Variants in RFX3 observed in about 807,000 individuals in gnomAD.
RFX3 encodes transcription factor RFX3.
In RFX3, 14 loss-of-function variants were observed where a neutral mutation model predicts 98.6. That is an observed-to-expected ratio of 0.14 (90% CI 0.09 to 0.22). The LOEUF is 0.22. Ranked by LOEUF, RFX3 falls within the 10% of genes least tolerant of loss-of-function variation. The pLI is 1.00. For missense variants in RFX3, 639 were observed against 926.9 expected, an observed-to-expected ratio of 0.69 and a Z score of 4.03; for synonymous variants, 383 against 328.4, an observed-to-expected ratio of 1.17 and a Z score of -1.80.
At chr9:3,413,534 TAAC>T (rs1317307320) in intron 1 of RFX3, among the ~76,000 whole-genome samples, 2 of 152,226 alleles carry the variant, frequency 1.3e-5, no homozygotes, top group Non-Finnish European at 2.9e-5. Flanking sequence ...CAGTTTAACT[TAAC>T]AAGACAATAC....
In RFX3 at chr9:3,489,424, G is replaced by C. The variant is rs144141302; in HGVS notation, c.-9+36323C>G. The C allele has an allele frequency of 8.1e-6, 8 of 985,406 alleles. No homozygotes were observed. The East Asian group carries it at 9.1e-4, about 112-fold the overall frequency. 61.0% of individuals were successfully genotyped at this position (985,406 alleles called of 1,614,324 possible). A position where few individuals can be genotyped will look rare whatever the true frequency, so the allele number is the denominator to read the frequency against. On this transcript the variant is annotated intron_variant, in intron 1 of 16. Coordinates refer to ENST00000617270, the MANE Select transcript of RFX3 (RefSeq NM_001282116.2). ...TAAAGTACTGTTTGTAGTGGAAGCA[G>C]AAGTTCACACAAACAAGCTGCTGCA...
chr9:3,242,282 G>A (rs1006648619), intron 15 of RFX3, among the ~76,000 whole-genome samples: 1 of 152,134 alleles, frequency 6.6e-6, no homozygotes, highest in Admixed American at 6.5e-5. Context: ...TTGGCACAAG[G>A]CCTGCCCTCA....
chr9:3,381,119 T>C (rs1007299603), intron 2 of RFX3, among the ~76,000 whole-genome samples: 1 of 152,022 alleles, frequency 6.6e-6, no homozygotes, highest in Non-Finnish European at 1.5e-5. Context: ...GTTTTAAATA[T>C]TATAACTGCC....
At chr9:3,425,100 T>C (rs561777985) in intron 1 of RFX3, among the ~76,000 whole-genome samples, 5 of 152,280 alleles carry the variant, frequency 3.3e-5, no homozygotes, top group African/African-American at 1.2e-4. Context: ...TAGCCAGGCA[T>C]GGTGGCCCAC....
intron 1 of RFX3, among the ~76,000 whole-genome samples, chr9:3,420,576 G>T (rs1411142673): frequency 6.6e-6 from 1 of 152,160 alleles, no homozygotes; most frequent in Non-Finnish European, 1.5e-5. Flanking sequence ...GTCATTTTAA[G>T]TAAGCAGTAA....
intron 15 of RFX3, among the ~76,000 whole-genome samples, chr9:3,241,595 A>C (rs1819932902): frequency 6.6e-6 from 1 of 152,174 alleles, no homozygotes; most frequent in African/African-American, 2.4e-5. Context: ...TGGGACACGG[A>C]GCCAATTCTC....
At chr9:3,497,448 T>TA (rs1851194538) in intron 1 of RFX3, among the ~76,000 whole-genome samples, 1 of 151,910 alleles carries the variant, frequency 6.6e-6, no homozygotes, top group Non-Finnish European at 1.5e-5. Context: ...TTCCAAAAAT[T>TA]AGAGTTTTTG....
At chr9:3,283,021 A>T (rs1826113027) in intron 7 of RFX3, among the ~76,000 whole-genome samples, 1 of 151,812 alleles carries the variant, frequency 6.6e-6, no homozygotes, top group Admixed American at 6.6e-5. Flanking sequence ...AACTACATAA[A>T]TTACTATAGT....
At chr9:3,488,973 A>AG in intron 1 of RFX3, 5 of 724,546 alleles carry the variant, frequency 6.9e-6, no homozygotes, top group Non-Finnish European at 8.4e-6. Flanking sequence ...CTATTTCATC[A>AG]TCACATCTTT....
At chr9:3,504,989 TTATA>T (rs1258448827) in intron 1 of RFX3, among the ~76,000 whole-genome samples, 31 of 37,094 alleles carry the variant, frequency 8.4e-4, no homozygotes, top group African/African-American at 2.9e-3. Context: ...AATATATATG[TTATA>T]TATATTATAT....
At chr9:3,300,240 A>C (rs956365078) in intron 5 of RFX3, among the ~76,000 whole-genome samples, 2 of 151,818 alleles carry the variant, frequency 1.3e-5, no homozygotes, top group African/African-American at 4.8e-5. Context: ...AAATGAAAAA[A>C]CTTATATTTC....
intron 2 of RFX3, among the ~76,000 whole-genome samples, chr9:3,364,008 T>C (rs1836767774): frequency 6.6e-6 from 1 of 152,230 alleles, no homozygotes; most frequent in African/African-American, 2.4e-5. Context: ...TCTGAGTAGC[T>C]GGGACCACAG....
chr9:3,478,222 T>A (rs545366339), intron 1 of RFX3, among the ~76,000 whole-genome samples: 3 of 152,262 alleles, frequency 2.0e-5, no homozygotes, highest in Non-Finnish European at 4.4e-5. Flanking sequence ...CAATTTTTGT[T>A]AAAACTGAAC....
rs1311095009 is a variant in RFX3, at chr9:3,366,746, CTTTCTTTT to C, written c.118-19990_118-19983del. ...TCTTTCTTTCTTTCTTTCTTTCTTT[CTTTCTTTT>C]TGGCTATTCTTATGTACATTCAAAA... On this transcript the variant is annotated intron_variant, in intron 2 of 16. Coordinates refer to ENST00000617270, the MANE Select transcript of RFX3 (RefSeq NM_001282116.2). Among the ~76,000 whole-genome samples the C allele has an allele frequency of 7.2e-5, 6 of 83,612 alleles. No individual in the cohort carries two copies. In the East Asian group the frequency reaches 1.2e-3, roughly 17 times the overall value. The allele number at this position is 83,612 out of a possible 152,430, so 54.9% of individuals were successfully genotyped here.
At position 3,224,331 on chromosome 9, in the gene RFX3, G is replaced by A. The variant is rs1449440701; in HGVS notation, c.*711C>T. 6.6e-6 allele frequency: 1 copy of A among 152,108 alleles called. No homozygotes were observed. Among genetic ancestry groups the A allele is most frequent in the Non-Finnish European group, 1.5e-5 (1 of 68,032 alleles). The allele number at this position is 152,108 out of a possible 1,614,324, so 9.4% of individuals were successfully genotyped here. A position where few individuals can be genotyped will look rare whatever the true frequency, so the allele number is the denominator to read the frequency against. On this transcript the variant is annotated 3_prime_UTR_variant, in exon 17 of 17. Transcript: ENST00000617270. ...TAATAGTTAAAATTCAATGTTTAAC[G>A]GAAGCTTGCATTGTTAACATGGTTT...
chr9:3,353,141 G>A (rs1039619760), intron 2 of RFX3, among the ~76,000 whole-genome samples: 3 of 141,138 alleles, frequency 2.1e-5, no homozygotes, highest in Non-Finnish European at 3.0e-5. Flanking sequence ...GGTGGGAATT[G>A]AACAATGAGA....
At chr9:3,433,164 A>G (rs916686155) in intron 1 of RFX3, among the ~76,000 whole-genome samples, 3 of 152,100 alleles carry the variant, frequency 2.0e-5, no homozygotes, top group Non-Finnish European at 2.9e-5. Flanking sequence ...ATCCAAATAT[A>G]AGTGAATCCA....
At chr9:3,393,492 A>G (rs1473434877) in intron 2 of RFX3, among the ~76,000 whole-genome samples, 1 of 152,178 alleles carries the variant, frequency 6.6e-6, no homozygotes, top group Non-Finnish European at 1.5e-5. Context: ...ATTCTTCTAC[A>G]GAGATGAAAA....
rs1848647151 is a variant in RFX3 at position 3,470,155 on chromosome 9, AAAC to A, written c.-9+55589_-9+55591del. ...CAGACATAGCCTATGTGGTAAGTTA[AAAC>A]AACAATGGTAGGTTAAAACAACAAC... On this transcript the variant is annotated intron_variant, in intron 1 of 16. Coordinates refer to ENST00000617270, the MANE Select transcript of RFX3 (RefSeq NM_001282116.2). Among the ~76,000 whole-genome samples the A allele has an allele frequency of 5.9e-5, 9 of 152,310 alleles. No homozygotes were observed. In the South Asian group the frequency reaches 1.9e-3, roughly 32 times the overall value.
Sources: allele counts gnomAD v4.1 joint callset (sites outside exome capture counted in the v4.1 genomes callset), GRCh38; gene constraint gnomAD v4.1.1; transcripts MANE v1.5; gene names NCBI Gene and HGNC (gene_info 2026-07-23, HGNC 2026-07-21).